Variants in AMMECR1L observed in about 807,000 individuals in gnomAD.
The protein encoded by AMMECR1L is AMMECR1-like protein.
A neutral mutation model predicts 36.8 loss-of-function variants in AMMECR1L; 4 were observed. That is an observed-to-expected ratio of 0.11 (90% CI 0.05 to 0.25). AMMECR1L has a LOEUF of 0.25. Ranked by LOEUF, AMMECR1L falls within the 10% of genes least tolerant of loss-of-function variation. The pLI, the probability that AMMECR1L is intolerant of heterozygous loss-of-function variation, is 1.00. For synonymous variants in AMMECR1L, 147 were observed against 148.0 expected (o/e 0.99, Z 0.05); for missense variants, 232 against 392.1 (o/e 0.59, Z 3.45).
At chr2:127,882,735 C>T (rs563597000) in intron 2 of AMMECR1L, among the ~76,000 whole-genome samples, 32 of 150,180 alleles carry the variant, frequency 2.1e-4, no homozygotes, top group South Asian at 8.5e-4. Context: ...CTGGGACCAC[C>T]GCCATGCACC....
Position 127,874,220 on chromosome 2 carries a change from A to G in AMMECR1L, c.15T>C (p.Arg5=). MGKR[R]CVPPLEPKLA... is the part of the protein sequence containing the mutation. ...ACTTGGGCTCGAGTGGAGGAACACA[A>G]CGTCTTTTTCCCATCCTGATTCAGT... Residue 5 remains arginine, a synonymous_variant, in exon 3 of 8, where the codon CGT becomes CGC. Transcript: ENST00000272647. This position sits in a 1 kb window ranked among gnomAD's most constrained non-coding sequence, Gnocchi z 5.2. 6.2e-7 allele frequency: 1 copy of G among 1,614,134 alleles called. No homozygotes were observed. The highest frequency in any genetic ancestry group is 8.5e-7 in the Non-Finnish European group (1 of 1,180,022).
At chr2:127,885,683 C>G in intron 1 of AMMECR1L, 127 bp downstream of exon 1, 1 of 983,280 alleles carries the variant, frequency 1.0e-6, no homozygotes, top group Non-Finnish European at 1.2e-6. Context: ...CCCAGGACCG[C>G]GGGGTCTCTT....
At chr2:127,867,788 GAGGAAGGAAAGGA>G (rs1313431278) in intron 6 of AMMECR1L, among the ~76,000 whole-genome samples, 1 of 152,050 alleles carries the variant, frequency 6.6e-6, no homozygotes, top group Non-Finnish European at 1.5e-5. Flanking sequence ...GGAAGAGGAA[GAGGAAGGAAAGGA>G]AGGAAGGAAG....
At chr2:127,882,085 T>A (rs1351463522) in intron 2 of AMMECR1L, among the ~76,000 whole-genome samples, 4 of 152,206 alleles carry the variant, frequency 2.6e-5, no homozygotes, top group Non-Finnish European at 5.9e-5. Context: ...ATACCAATTT[T>A]AAAAACTGTT....
intron 2 of AMMECR1L, among the ~76,000 whole-genome samples, chr2:127,878,568 CCATCACAGAGCAACA>C (rs1691352528): frequency 2.6e-5 from 4 of 152,222 alleles, no homozygotes; most frequent in Admixed American, 2.6e-4. Context: ...GTGAAACACT[CCATCACAGAGCAACA>C]GAAGGGATTT....
intron 7 of AMMECR1L, among the ~76,000 whole-genome samples, chr2:127,866,669 G>A (rs1690697365): frequency 6.6e-6 from 1 of 152,164 alleles, no homozygotes. Context: ...ACAGCCTGCA[G>A]GGCAGACCTG....
rs1690620839 is a variant in AMMECR1L, at chr2:127,865,038, T to C, written c.*56A>G. On this transcript the variant is annotated 3_prime_UTR_variant, in exon 8 of 8. Transcript: ENST00000272647. The surrounding 1 kb of genome is among the most constrained non-coding windows in gnomAD (Gnocchi z 5.4). ...CAGGAAGAGGAGGCATCTGCTCCAA[T>C]GATGTCATAGCCATTGGTGGCCACG... The C allele has an allele frequency of 9.1e-6, 11 of 1,210,418 alleles. No individual in the cohort carries two copies. Among genetic ancestry groups the C allele is most frequent in the Non-Finnish European group, 1.2e-5 (10 of 822,926 alleles). 75.0% of individuals were successfully genotyped at this position (1,210,418 alleles called of 1,614,324 possible).
At chr2:127,882,192 C>T (rs185453931) in intron 2 of AMMECR1L, among the ~76,000 whole-genome samples, 24 of 152,252 alleles carry the variant, frequency 1.6e-4, no homozygotes, top group African/African-American at 5.1e-4. Context: ...TGAAGACAAG[C>T]CTCAAAACAG....
Position 127,864,976 on chromosome 2 carries a change from G to T in AMMECR1L, c.*118C>A, listed in dbSNP as rs570373639. On this transcript the variant is annotated 3_prime_UTR_variant, in exon 8 of 8. Coordinates refer to ENST00000272647, the MANE Select transcript of AMMECR1L (RefSeq NM_001199140.2). ...GAGGCAGACTTGGCAACGGAAGCTA[G>T]CATCATAAAATGGTGCAGTAATAGA... 164 of 706,102 alleles carry T rather than the reference G, an allele frequency of 2.3e-4. No individual in the cohort carries two copies. In the African/African-American group the frequency reaches 2.5e-3, roughly 11 times the overall value. 43.7% of individuals were successfully genotyped at this position (706,102 alleles called of 1,614,324 possible).
rs2104733796 is a variant in AMMECR1L at position 127,861,834 on chromosome 2, A to T, written c.*3260T>A. On this transcript the variant is annotated 3_prime_UTR_variant, in exon 8 of 8. Transcript: ENST00000272647. ...AACACATAGCTCCCTAGGCTCCAGAATCTCAATAGAAAATAACGTCAACAG... is the reference window on the plus strand; with the variant it reads ...AACACATAGCTCCCTAGGCTCCAGATTCTCAATAGAAAATAACGTCAACAG... The T allele has an allele frequency of 6.6e-6, 1 of 152,532 alleles. No individual in the cohort carries two copies. Among genetic ancestry groups the T allele is most frequent in the South Asian group, 2.1e-4 (1 of 4,828 alleles). The allele number at this position is 152,532 out of a possible 1,614,324, so 9.4% of individuals were successfully genotyped here.
At chr2:127,868,331 A>G (rs1433020357) in intron 6 of AMMECR1L, among the ~76,000 whole-genome samples, 2 of 152,242 alleles carry the variant, frequency 1.3e-5, no homozygotes, top group African/African-American at 2.4e-5. Context: ...TCCCCATTAC[A>G]AAACATGGTA....
In AMMECR1L at chr2:127,865,996, T is replaced by A. The variant is rs1446926650; in HGVS notation, c.822-791A>T. Among the ~76,000 whole-genome samples the A allele has an allele frequency of 1.3e-5, 2 of 152,230 alleles. No individual in the cohort carries two copies. The highest frequency in any genetic ancestry group is 2.9e-5 in the Non-Finnish European group (2 of 67,996). The stretch of plus-strand genomic sequence containing the variant: ...CAGGGAAATGGCTGTTCAAATAAAT[T>A]ATAATAATAATAATAATGCTTTGTA... On this transcript the variant is annotated intron_variant, in intron 7 of 7. Transcript: ENST00000272647. The surrounding 1 kb of genome is among the most constrained non-coding windows in gnomAD (Gnocchi z 5.4).
chr2:127,871,154 A>G lies in AMMECR1L; in HGVS notation c.518+95T>C, dbSNP rs751301924. 10 of 1,350,662 alleles carry G rather than the reference A, an allele frequency of 7.4e-6. No homozygotes were observed. Among genetic ancestry groups the G allele is most frequent in the Non-Finnish European group, 1.0e-5 (10 of 971,078 alleles). The allele number at this position is 1,350,662 out of a possible 1,614,324, so 83.7% of individuals were successfully genotyped here. On this transcript the variant is annotated intron_variant, in intron 4 of 7. Transcript: ENST00000272647. This position sits in a 1 kb window ranked among gnomAD's most constrained non-coding sequence, Gnocchi z 4.3. Reference sequence around the variant, plus strand: ...ACATTTCCTGATTACCAAAAAGAGAAAGCTCAACGTACATCACTTAGAAGA... The same window carrying G: ...ACATTTCCTGATTACCAAAAAGAGAGAGCTCAACGTACATCACTTAGAAGA...
intron 7 of AMMECR1L, among the ~76,000 whole-genome samples, chr2:127,866,519 C>T (rs1456933170): frequency 6.6e-6 from 1 of 152,224 alleles, no homozygotes; most frequent in Non-Finnish European, 1.5e-5. Context: ...TTTTCTTACT[C>T]TCCTGTATCT....
In AMMECR1L at chr2:127,885,912, A is replaced by AT. The variant is rs1278006490; in HGVS notation, c.-252_-251insA. 2.0e-6 allele frequency: 2 copies of AT among 985,932 alleles called. No homozygotes were observed. The highest frequency in any genetic ancestry group is 3.5e-5 in the African/African-American group (2 of 57,070). 61.1% of individuals were successfully genotyped at this position (985,932 alleles called of 1,614,324 possible). A position where few individuals can be genotyped will look rare whatever the true frequency, so the allele number is the denominator to read the frequency against. ...ATGCGCCTGGGTGGGGGCTCCCGAG[A>AT]GAAGCTGGCCTGCGGGCGGGCCGGA... On this transcript the variant is annotated 5_prime_UTR_variant, in exon 1 of 8. Transcript: ENST00000272647.
rs775684076 is a variant in AMMECR1L at position 127,871,384 on chromosome 2, T to G, written c.408-25A>C. The G allele has an allele frequency of 6.2e-7, 1 of 1,604,478 alleles. No individual in the cohort carries two copies. Among genetic ancestry groups the G allele is most frequent in the East Asian group, 2.2e-5 (1 of 44,802 alleles). On this transcript the variant is annotated intron_variant, in intron 3 of 7. Transcript: ENST00000272647. The surrounding 1 kb of genome is among the most constrained non-coding windows in gnomAD (Gnocchi z 4.3). ...ACTAAAAAAAGCAAAACACAAAACA[T>G]TCTCCAGCCCCAAATTAATCATGGA...
intron 3 of AMMECR1L, among the ~76,000 whole-genome samples, chr2:127,872,053 G>C (rs1371113605): frequency 6.6e-6 from 1 of 151,972 alleles, no homozygotes; most frequent in Non-Finnish European, 1.5e-5. Context: ...GCTGGGCGTG[G>C]TGGCAGGCTC....
At chr2:127,870,988 G>T in intron 4 of AMMECR1L, 60 bp from the exon 5 acceptor site, 8 of 1,260,658 alleles carry the variant, frequency 6.3e-6, no homozygotes, top group Non-Finnish European at 9.0e-6. Flanking sequence ...AATATCAGGT[G>T]CCATAGAGCC....
chr2:127,883,342 G>A (rs1691605291), intron 2 of AMMECR1L, among the ~76,000 whole-genome samples: 2 of 152,038 alleles, frequency 1.3e-5, no homozygotes, highest in South Asian at 4.1e-4. Context: ...TTATCCACCT[G>A]CCTCGGCCTC....
Sources: gnomAD v4.1 joint callset for allele counts (sites outside exome capture counted in the v4.1 genomes callset) on GRCh38, gnomAD v4.1.1 for gene constraint, Gnocchi (gnomAD v3.1) non-coding constraint, MANE v1.5 for transcripts, NCBI Gene and HGNC (gene_info 2026-07-23, HGNC 2026-07-21) for gene names.